The following GAB1 variants were observed in gnomAD, a reference collection of about 807,000 sequenced individuals.
GAB1 encodes GRB2 associated binding protein 1, also known as GRB2-associated-binding protein 1.
Under a neutral mutation model 66.5 loss-of-function variants are expected in GAB1, and 19 were observed. That is an observed-to-expected ratio of 0.29 (90% CI 0.20 to 0.42). The LOEUF is 0.42. GAB1 is among the 10% of genes least tolerant of loss of function. GAB1 has a pLI of 1.00. For missense variants in GAB1, 732 were observed against 858.5 expected (o/e 0.85, Z 1.84); for synonymous variants, 294 against 301.4 (o/e 0.98, Z 0.25).
At chr4:143,347,824 G>C (rs1244892285) in intron 1 of GAB1, among the ~76,000 whole-genome samples, 1 of 152,218 alleles carries the variant, frequency 6.6e-6, no homozygotes, top group Non-Finnish European at 1.5e-5. Flanking sequence ...GATGGATTCA[G>C]TTTTCAAAGA....
At chr4:143,378,944 A>G (rs908879175) in intron 1 of GAB1, among the ~76,000 whole-genome samples, 2 of 152,054 alleles carry the variant, frequency 1.3e-5, no homozygotes, top group Non-Finnish European at 2.9e-5. Flanking sequence ...TGGCCTCCCA[A>G]CAGTATTTTT....
intron 1 of GAB1, among the ~76,000 whole-genome samples, chr4:143,407,867 A>G (rs775100501): frequency 2.6e-5 from 4 of 152,192 alleles, no homozygotes; most frequent in Non-Finnish European, 5.9e-5. Flanking sequence ...TAGTAATAGT[A>G]TTATGGAAAT....
At chr4:143,436,343 A>G (rs1733940102) in intron 3 of GAB1, among the ~76,000 whole-genome samples, 1 of 152,200 alleles carries the variant, frequency 6.6e-6, no homozygotes, top group Admixed American at 6.5e-5. Flanking sequence ...CTCAATGTCA[A>G]GTGGATTAGT....
At chr4:143,368,714 C>A (rs183381493) in intron 1 of GAB1, among the ~76,000 whole-genome samples, 1 of 151,928 alleles carries the variant, frequency 6.6e-6, no homozygotes, top group African/African-American at 2.4e-5. Flanking sequence ...TTTTTCTCAC[C>A]TGCTCTTTTG....
At chr4:143,428,805 A>G (rs1200058552) in intron 2 of GAB1, among the ~76,000 whole-genome samples, 5 of 140,722 alleles carry the variant, frequency 3.6e-5, no homozygotes, top group Non-Finnish European at 7.5e-5. Flanking sequence ...CAATGAGAAC[A>G]CTTGAACACA....
chr4:143,426,086 T>C (rs7691050), intron 2 of GAB1: 35,012 of 526,074 alleles, frequency 0.067, 3,864 homozygotes, highest in African/African-American at 0.36. Flanking sequence ...TTACATGGAG[T>C]ATAGTAAAGA....
At chr4:143,418,387 T>A (rs1732811862) in intron 2 of GAB1, among the ~76,000 whole-genome samples, 7 of 152,230 alleles carry the variant, frequency 4.6e-5, no homozygotes, top group Admixed American at 4.6e-4. Flanking sequence ...GCAGAGGGTT[T>A]CAGAGTTAAA....
chr4:143,350,201 C>T, intron 1 of GAB1: 1 of 618,084 alleles, frequency 1.6e-6, no homozygotes, highest in South Asian at 1.9e-5. Flanking sequence ...ATCATGGGCC[C>T]CAAGCACTGT....
At chr4:143,452,179 A>G (rs1274907229) in intron 6 of GAB1, among the ~76,000 whole-genome samples, 3 of 152,160 alleles carry the variant, frequency 2.0e-5, no homozygotes, top group East Asian at 1.9e-4. Context: ...CCTGGGCTCA[A>G]GTGATCCTCC....
rs1233418747 is a variant in GAB1 at position 143,471,142 on chromosome 4, ATGAT to A, written c.*1955_*1958del. 1 of 152,224 alleles carries A rather than the reference ATGAT, an allele frequency of 6.6e-6. No homozygotes were observed. Among genetic ancestry groups the A allele is most frequent in the African/African-American group, 2.4e-5 (1 of 41,478 alleles). The allele number at this position is 152,224 out of a possible 1,614,324, so 9.4% of individuals were successfully genotyped here. ...AGATTTAAAACACAATAATAAATACATGATTAATTCAAAAATAAAAATCTTTACA... is the reference window on the plus strand; with the variant it reads ...AGATTTAAAACACAATAATAAATACATAATTCAAAAATAAAAATCTTTACA... On this transcript the variant is annotated 3_prime_UTR_variant, in exon 10 of 10. Transcript: ENST00000262994.
rs113875980 is a variant in GAB1, at chr4:143,438,356, T to C, written c.951T>C (p.Tyr317=). ...YDIPPTPGNT[Y]QIPRTFPEGT... is the part of the protein sequence containing the mutation. ...TTCCTCCAACACCTGGTAATACTTA[T>C]CAGATTCCACGAACATTTCCAGAAG... Residue 317 remains tyrosine (Y), a synonymous_variant, in exon 4 of 10, where the codon TAT becomes TAC. Transcript: ENST00000262994. 10 of 1,613,964 alleles carry C rather than the reference T, an allele frequency of 6.2e-6. No individual in the cohort carries two copies. The highest frequency in any genetic ancestry group is 1.7e-5 in the Admixed American group (1 of 59,986).
intron 1 of GAB1, among the ~76,000 whole-genome samples, chr4:143,365,271 A>G (rs1475579991): frequency 6.6e-6 from 1 of 152,132 alleles, no homozygotes; most frequent in Non-Finnish European, 1.5e-5. Flanking sequence ...AATGATACCT[A>G]ACATTACTAA....
At chr4:143,413,697 C>A (rs1407261262) in intron 1 of GAB1, among the ~76,000 whole-genome samples, 5 of 151,864 alleles carry the variant, frequency 3.3e-5, no homozygotes, top group Non-Finnish European at 5.9e-5. Flanking sequence ...TTAGTCAATT[C>A]TTTGAAGGTA....
Position 143,432,224 on chromosome 4 carries a change from A to G in GAB1, c.368-1267A>G, listed in dbSNP as rs937299229. 6.6e-5 allele frequency among the ~76,000 whole-genome samples: 10 copies of G among 152,332 alleles called. No homozygotes were observed. In the East Asian group the frequency reaches 1.7e-3, roughly 26 times the overall value. ...ATTCCTGATCCCTGGGAGTGACGGG[A>G]GTTGTGGGGAGGCATAATTCCCTCT... On this transcript the variant is annotated intron_variant, in intron 2 of 9. Coordinates refer to ENST00000262994, the MANE Select transcript of GAB1 (RefSeq NM_002039.4).
intron 1 of GAB1, among the ~76,000 whole-genome samples, chr4:143,370,884 T>A (rs55894236): frequency 6.6e-6 from 1 of 152,010 alleles, no homozygotes; most frequent in African/African-American, 2.4e-5. Context: ...GAACTCATCC[T>A]TTTTTATGGC....
intron 9 of GAB1, among the ~76,000 whole-genome samples, chr4:143,468,736 C>G (rs1735929038): frequency 6.6e-6 from 1 of 151,606 alleles, no homozygotes; most frequent in African/African-American, 2.4e-5. Context: ...CCAGCCTGAC[C>G]AATATGCTGA....
At chr4:143,361,503 T>C (rs1729660863) in intron 1 of GAB1, among the ~76,000 whole-genome samples, 1 of 152,210 alleles carries the variant, frequency 6.6e-6, no homozygotes, top group Non-Finnish European at 1.5e-5. Flanking sequence ...CTCTGACTAA[T>C]TTAATCATAA....
chr4:143,392,337 G>A (rs1489814052), intron 1 of GAB1, among the ~76,000 whole-genome samples: 1 of 152,086 alleles, frequency 6.6e-6, no homozygotes, highest in East Asian at 1.9e-4. Context: ...CTGAGAGAGG[G>A]GATTTGTCAA....
intron 2 of GAB1, among the ~76,000 whole-genome samples, chr4:143,430,588 G>A (rs183539737): frequency 5.0e-4 from 76 of 152,078 alleles, no homozygotes; most frequent in African/African-American, 1.8e-3. Flanking sequence ...TATGTTAGAG[G>A]GTTAAAGCAC....
Sources: gnomAD v4.1 joint callset for allele counts (sites outside exome capture counted in the v4.1 genomes callset) on GRCh38, gnomAD v4.1.1 for gene constraint, MANE v1.5 for transcripts, NCBI Gene and HGNC (gene_info 2026-07-23, HGNC 2026-07-21) for gene names.